The following HFM1 variants were observed in gnomAD, a reference collection of about 807,000 sequenced individuals.
The protein encoded by HFM1 is helicase for meiosis 1.
Under a neutral mutation model 192.1 loss-of-function variants are expected in HFM1, and 169 were observed. The ratio of observed to expected loss-of-function variants is 0.88; its 90% confidence interval spans 0.78 to 1.00. The LOEUF (loss-of-function observed/expected upper bound fraction) is 1.00. HFM1 is among the 50% of genes least tolerant of loss of function. The pLI is 0.00. For missense variants in HFM1, 1,661 were observed against 1,668.0 expected (o/e 1.00, Z 0.07); for synonymous variants, 525 against 537.8 (o/e 0.98, Z 0.33).
At chr1:91,330,715 G>A (rs2101505547) in intron 20 of HFM1, among the ~76,000 whole-genome samples, 1 of 152,256 alleles carries the variant, frequency 6.6e-6, no homozygotes. Flanking sequence ...GGAAACTACA[G>A]GCCAATATCT....
intron 20 of HFM1, among the ~76,000 whole-genome samples, chr1:91,342,494 A>G (rs1483381995): frequency 2.6e-5 from 4 of 152,174 alleles, no homozygotes; most frequent in African/African-American, 9.7e-5. Context: ...GGCTTTGCTA[A>G]ATTTCCCCCA....
chr1:91,296,543 G>C lies in HFM1; in HGVS notation c.3391+16806C>G, dbSNP rs557167830. Among the ~76,000 whole-genome samples the C allele has an allele frequency of 3.9e-3, 584 of 149,710 alleles. 1 individual carries two copies. The highest frequency in any genetic ancestry group is 0.014 in the African/African-American group (555 of 40,892). On this transcript the variant is annotated intron_variant, in intron 30 of 38. Coordinates refer to ENST00000370425, the MANE Select transcript of HFM1 (RefSeq NM_001017975.6). Reference sequence around the variant, plus strand: ...ATTTTATAATTAGCTGGTTATTTCAGAAAAAAAAATGACAACAACAACAAA... The same window carrying C: ...ATTTTATAATTAGCTGGTTATTTCACAAAAAAAAATGACAACAACAACAAA...
intron 13 of HFM1, among the ~76,000 whole-genome samples, chr1:91,365,805 T>C (rs1467069493): frequency 1.3e-5 from 2 of 152,046 alleles, no homozygotes; most frequent in African/African-American, 4.8e-5. Flanking sequence ...TGTCGCTTAT[T>C]TAATTATCAT....
At position 91,262,397 on chromosome 1, in the gene HFM1, A is replaced by C. The variant is rs771622773; in HGVS notation, c.4087-5T>G. The C allele has an allele frequency of 3.2e-6, 5 of 1,583,408 alleles. No homozygotes were observed. The South Asian group carries it at 5.9e-5, about 19-fold the overall frequency. The stretch of plus-strand genomic sequence containing the variant: ...TTTTCTTTCTTGAAAATGGACCTAC[A>C]TTTGAGATAAAAAATAACAATCATT... On this transcript the variant is annotated splice_region_variant and splice_polypyrimidine_tract_variant and intron_variant, in intron 37 of 38. Coordinates refer to ENST00000370425, the MANE Select transcript of HFM1 (RefSeq NM_001017975.6).
intron 26 of HFM1, 28 bp downstream of exon 26, chr1:91,316,363 G>A (rs1478893222): frequency 2.4e-6 from 3 of 1,274,246 alleles, no homozygotes; most frequent in South Asian, 1.4e-5. Flanking sequence ...GAATTTAGAT[G>A]GAATTAGGAA....
chr1:91,352,620 A>G lies in HFM1; in HGVS notation c.1863T>C (p.Asn621=), dbSNP rs780567375. The change falls in exon 16 of 39, where the codon AAT becomes AAC. Residue 621 remains asparagine (N), a synonymous_variant. Transcript: ENST00000370425. ...TTATAACTACTAGGTGAGCAGGCAAATTTACTCCCATAGCTAAAGTACTGG... is the reference window on the plus strand; with the variant it reads ...TTATAACTACTAGGTGAGCAGGCAAGTTTACTCCCATAGCTAAAGTACTGG... ...FTTSTLAMGV[N]LPAHLVVIKS... is the part of the protein sequence containing the mutation. 6.2e-7 allele frequency: 1 copy of G among 1,608,768 alleles called. No homozygotes were observed. Among genetic ancestry groups the G allele is most frequent in the South Asian group, 1.1e-5 (1 of 90,160 alleles).
intron 3 of HFM1, among the ~76,000 whole-genome samples, chr1:91,395,650 CTTTCAT>C (rs1313168666): frequency 6.6e-6 from 1 of 151,858 alleles, no homozygotes; most frequent in Non-Finnish European, 1.5e-5. Context: ...AAGGATCTGA[CTTTCAT>C]TTTATTTCAT....
In HFM1 at chr1:91,401,239, TGCAACTTCC is replaced by T. The variant is rs1664278498; in HGVS notation, c.-27-139_-27-131del. ...AGACTATCCTTCCAGCTTCATCGTC[TGCAACTTCC>T]TTCAAAGCACCTCAATATTCACATA... On this transcript the variant is annotated intron_variant, in intron 1 of 38. Transcript: ENST00000370425. 3 of 545,124 alleles carry T rather than the reference TGCAACTTCC, an allele frequency of 5.5e-6. No individual in the cohort carries two copies. In the South Asian group the frequency reaches 7.8e-5, roughly 14 times the overall value. The allele number at this position is 545,124 out of a possible 1,614,324, so 33.8% of individuals were successfully genotyped here. A position where few individuals can be genotyped will look rare whatever the true frequency, so the allele number is the denominator to read the frequency against.
intron 30 of HFM1, among the ~76,000 whole-genome samples, chr1:91,304,488 CAG>C (rs1649317517): frequency 6.6e-6 from 1 of 152,018 alleles, no homozygotes; most frequent in Non-Finnish European, 1.5e-5. Flanking sequence ...GTTTTTGAGA[CAG>C]AGTTTCGCTC....
At chr1:91,268,213 T>C (rs996275965) in intron 34 of HFM1, among the ~76,000 whole-genome samples, 3 of 152,050 alleles carry the variant, frequency 2.0e-5, no homozygotes, top group African/African-American at 7.2e-5. Flanking sequence ...AATTAATTTT[T>C]CCTCTTAATT....
rs946200649 is a variant in HFM1 at position 91,334,679 on chromosome 1, C to T, written c.2335+8751G>A. On this transcript the variant is annotated intron_variant, in intron 20 of 38. Transcript: ENST00000370425. The stretch of plus-strand genomic sequence containing the variant: ...GGCGCATTGGCTCACACCTGTAATC[C>T]CAGCACTTTGGGAGGCCGAGGCAGG... Among the ~76,000 whole-genome samples, 3 of 152,072 alleles carry T rather than the reference C, an allele frequency of 2.0e-5. No individual in the cohort carries two copies. In the East Asian group the frequency reaches 5.8e-4, roughly 29 times the overall value.
rs748828981 is a variant in HFM1 at position 91,343,495 on chromosome 1, T to A, written c.2270A>T (p.Asn757Ile). The A allele has an allele frequency of 7.2e-7, 1 of 1,390,934 alleles. No homozygotes were observed. The highest frequency in any genetic ancestry group is 9.9e-7 in the Non-Finnish European group (1 of 1,008,174). The allele number at this position is 1,390,934 out of a possible 1,614,324, so 86.2% of individuals were successfully genotyped here. The change falls in exon 20 of 39, where the codon AAT becomes ATT. Residue 757 changes from asparagine (N) to isoleucine (I), a missense_variant. Physicochemically the swap from Asn to Ile is moderately radical, Grantham distance 149. Coordinates refer to ENST00000370425, the MANE Select transcript of HFM1 (RefSeq NM_001017975.6). ...EAKLQELCLK[N>I]LNDLSSLDLI... Reference sequence around the variant, plus strand: ...GTCCAGGGATGATAAATCATTCAGATTCTTCAAACATAATTCTGTTTAATT... The same window carrying A: ...GTCCAGGGATGATAAATCATTCAGAATCTTCAAACATAATTCTGTTTAATT...
At chr1:91,277,603 T>A (rs377661029) in intron 30 of HFM1, among the ~76,000 whole-genome samples, 2 of 34,764 alleles carry the variant, frequency 5.8e-5, no homozygotes, top group African/African-American at 1.4e-4. Context: ...ATATATACTT[T>A]ATATATATAC....
rs755377249 is a variant in HFM1, at chr1:91,313,322, A to G, written c.3391+27T>C. The G allele has an allele frequency of 3.6e-6, 5 of 1,399,650 alleles. No individual in the cohort carries two copies. In the South Asian group the frequency reaches 6.5e-5, roughly 18 times the overall value. The allele number at this position is 1,399,650 out of a possible 1,614,324, so 86.7% of individuals were successfully genotyped here. ...CCTAGCCATATCTTTGCTTTAATAT[A>G]AAATAGGAATTAATACAGCTATTTA... On this transcript the variant is annotated intron_variant, in intron 30 of 38. Transcript: ENST00000370425.
chr1:91,327,115 G>C (rs1305613239), intron 20 of HFM1, among the ~76,000 whole-genome samples: 1 of 152,120 alleles, frequency 6.6e-6, no homozygotes, highest in Non-Finnish European at 1.5e-5. Context: ...AAAGAAGGAA[G>C]AGAAGACTGT....
Position 91,299,846 on chromosome 1 carries a change from T to G in HFM1, c.3391+13503A>C, listed in dbSNP as rs1299237474. ...AAGAAAAAGCAGGAAAGATCTAAAA[T>G]TGACACCCTAACATCAGAATTAAAA... On this transcript the variant is annotated intron_variant, in intron 30 of 38. Coordinates refer to ENST00000370425, the MANE Select transcript of HFM1 (RefSeq NM_001017975.6). Among the ~76,000 whole-genome samples the G allele has an allele frequency of 3.9e-5, 6 of 152,094 alleles. 1 individual carries two copies. The highest frequency in any genetic ancestry group is 2.0e-4 in the Admixed American group (3 of 15,272).
chr1:91,350,526 T>C (rs556234833), intron 18 of HFM1, among the ~76,000 whole-genome samples: 1 of 152,258 alleles, frequency 6.6e-6, no homozygotes, highest in Admixed American at 6.5e-5. Context: ...TTAATGGTGT[T>C]GATTTCAAAC....
chr1:91,389,923 A>G lies in HFM1; in HGVS notation c.495-4089T>C, dbSNP rs527733914. 2.6e-5 allele frequency among the ~76,000 whole-genome samples: 4 copies of G among 152,298 alleles called. No individual in the cohort carries two copies. The South Asian group carries it at 8.3e-4, about 32-fold the overall frequency. On this transcript the variant is annotated intron_variant, in intron 4 of 38. Transcript: ENST00000370425. ...GAAAACAATTTGGCAGTTCCTCAGA[A>G]AAGTTAAATATAAAGTTACCATATG...
chr1:91,300,396 T>C (rs542676582), intron 30 of HFM1, among the ~76,000 whole-genome samples: 2 of 151,260 alleles, frequency 1.3e-5, no homozygotes, highest in East Asian at 1.9e-4. Context: ...ACTATTCCAA[T>C]CAATAGAAAA....
Sources: allele counts gnomAD v4.1 joint callset (sites outside exome capture counted in the v4.1 genomes callset), GRCh38; gene constraint gnomAD v4.1.1; transcripts MANE v1.5; gene names NCBI Gene and HGNC (gene_info 2026-07-23, HGNC 2026-07-21).